Variants in CD96 observed in about 807,000 individuals in gnomAD.
CD96 encodes the protein T-cell surface protein tactile.
CD96 carries 70 observed loss-of-function variants against 71.3 expected under a neutral mutation model. The ratio of observed to expected loss-of-function variants is 0.98; its 90% CI spans 0.81 to 1.20. The LOEUF (loss-of-function observed/expected upper bound fraction) is 1.20, where lower values mean the gene tolerates loss of function less well. CD96 is among the 50% of genes most tolerant of loss of function. The probability of loss-of-function intolerance (pLI) is 0.00; values close to 1 mark genes in which losing one functional copy is unlikely to be tolerated. For missense variants in CD96, 742 were observed against 677.5 expected (o/e 1.10, Z -1.06); for synonymous variants, 248 against 233.0 (o/e 1.06, Z -0.59).
chr3:111,577,389 G>A, intron 3 of CD96: 5 of 804,308 alleles, frequency 6.2e-6, no homozygotes, highest in Non-Finnish European at 1.1e-5. Context: ...AGTGCTGAGT[G>A]ACATGCTCTC....
Position 111,649,923 on chromosome 3 carries a change from A to G in CD96, c.*117A>G. 1 of 757,894 alleles carries G rather than the reference A, an allele frequency of 1.3e-6. No homozygotes were observed. 46.9% of individuals were successfully genotyped at this position (757,894 alleles called of 1,614,324 possible). ...ATGCCTTTGCTGCAGCTGAAATGGA[A>G]GTCAGAAGTGAGTGACCTGTTTTCC... On this transcript the variant is annotated 3_prime_UTR_variant, in exon 14 of 14. Transcript: ENST00000352690.
chr3:111,647,513 A>G (rs1043954552), intron 12 of CD96, 30 bp from the exon 13 acceptor site: 3 of 1,607,700 alleles, frequency 1.9e-6, no homozygotes, highest in Admixed American at 1.7e-5. Flanking sequence ...GTTTGGGATT[A>G]AAGTTCATCT....
intron 7 of CD96, among the ~76,000 whole-genome samples, chr3:111,604,797 G>C (rs1449901725): frequency 6.6e-6 from 1 of 152,100 alleles, no homozygotes. Context: ...TATATTTTAG[G>C]CTTTGTAGAC....
intron 8 of CD96, chr3:111,607,007 A>C: frequency 1.7e-6 from 1 of 600,068 alleles, no homozygotes; most frequent in South Asian, 1.9e-5. Flanking sequence ...TAGTATGTTC[A>C]CAGACTTGTA....
In CD96 at chr3:111,572,116, G is replaced by A. The variant is rs924650149; in HGVS notation, c.543+4469G>A. Among the ~76,000 whole-genome samples the A allele has an allele frequency of 3.3e-5, 5 of 152,290 alleles. No individual in the cohort carries two copies. The South Asian group carries it at 1.0e-3, about 32-fold the overall frequency. On this transcript the variant is annotated intron_variant, in intron 3 of 13. Coordinates refer to ENST00000352690, the MANE Select transcript of CD96 (RefSeq NM_005816.5). ...GAGATTTAAGATGTTAATGAGACATGCCATGTATCTACCCGCACGTACAAC... is the reference window on the plus strand; with the variant it reads ...GAGATTTAAGATGTTAATGAGACATACCATGTATCTACCCGCACGTACAAC...
chr3:111,601,062 A>G (rs1221228454), intron 7 of CD96, 148 bp downstream of exon 7: 2 of 581,502 alleles, frequency 3.4e-6, no homozygotes, highest in Non-Finnish European at 6.1e-6. Flanking sequence ...GTTATCAAAC[A>G]TTTTTGACAA....
intron 1 of CD96, 149 bp from the exon 2 acceptor site, chr3:111,544,897 T>G: frequency 1.4e-6 from 1 of 724,626 alleles, no homozygotes; most frequent in Non-Finnish European, 2.5e-6. Flanking sequence ...TCTATCTGAG[T>G]GAGACACAAG....
Position 111,624,023 on chromosome 3 carries a change from G to A in CD96, c.1249+201G>A, listed in dbSNP as rs1481942353. On this transcript the variant is annotated intron_variant, in intron 9 of 13. Transcript: ENST00000352690. ...ATAATCTTAAAAAATAAGGGCTGGTGATTTATTATATTGTATCTTTTATTT... is the reference window on the plus strand; with the variant it reads ...ATAATCTTAAAAAATAAGGGCTGGTAATTTATTATATTGTATCTTTTATTT... Among the ~76,000 whole-genome samples the A allele has an allele frequency of 5.9e-5, 9 of 152,310 alleles. No individual in the cohort carries two copies. The East Asian group carries it at 1.3e-3, about 23-fold the overall frequency.
At chr3:111,543,689 T>C (rs974915818) in intron 1 of CD96, among the ~76,000 whole-genome samples, 2 of 152,224 alleles carry the variant, frequency 1.3e-5, no homozygotes, top group Non-Finnish European at 2.9e-5. Context: ...CCAGCATTGC[T>C]AACAAGTTGC....
intron 3 of CD96, among the ~76,000 whole-genome samples, chr3:111,576,941 G>A (rs1043276124): frequency 2.0e-5 from 3 of 152,076 alleles, no homozygotes; most frequent in African/African-American, 7.2e-5. Flanking sequence ...GAAGACTCTA[G>A]AATGTCTTAG....
intron 5 of CD96, among the ~76,000 whole-genome samples, chr3:111,590,440 T>G (rs867319177): frequency 4.6e-5 from 7 of 152,246 alleles, no homozygotes; most frequent in Non-Finnish European, 7.3e-5. Context: ...GGAAATACTC[T>G]GGGGACTTGG....
At chr3:111,544,450 G>A (rs1934277777) in intron 1 of CD96, among the ~76,000 whole-genome samples, 1 of 152,064 alleles carries the variant, frequency 6.6e-6, no homozygotes, top group Non-Finnish European at 1.5e-5. Context: ...GCCTGGAGGT[G>A]TGACTTTGAG....
chr3:111,592,914 C>G (rs1194140191), intron 5 of CD96: 1 of 152,166 alleles, frequency 6.6e-6, no homozygotes, highest in Non-Finnish European at 1.5e-5. Flanking sequence ...GATGAAACAA[C>G]TTTAATATAA....
chr3:111,548,902 A>G (rs1014224199), intron 2 of CD96, among the ~76,000 whole-genome samples: 1 of 152,172 alleles, frequency 6.6e-6, no homozygotes. Flanking sequence ...GAGTGCTTAC[A>G]GTGCTAGACA....
chr3:111,637,886 C>T (rs1939410315), intron 11 of CD96, among the ~76,000 whole-genome samples, 193 bp from the exon 12 acceptor site: 1 of 151,358 alleles, frequency 6.6e-6, no homozygotes, highest in African/African-American at 2.4e-5. Flanking sequence ...ATTCCTTTGG[C>T]AATTGTTAGA....
intron 2 of CD96, among the ~76,000 whole-genome samples, chr3:111,563,463 T>A (rs1462082417): frequency 6.6e-6 from 1 of 152,236 alleles, no homozygotes; most frequent in Admixed American, 6.5e-5. Context: ...AGGGAATGGA[T>A]GGAGCTGAGG....
chr3:111,568,290 A>G (rs1935818442), intron 3 of CD96, among the ~76,000 whole-genome samples: 1 of 152,232 alleles, frequency 6.6e-6, no homozygotes, highest in Admixed American at 6.5e-5. Flanking sequence ...TTCCAATTTT[A>G]AAAATGATGT....
intron 3 of CD96, among the ~76,000 whole-genome samples, chr3:111,572,128 C>T (rs1158705459): frequency 6.6e-6 from 1 of 152,204 alleles, no homozygotes; most frequent in Non-Finnish European, 1.5e-5. Context: ...CATGTATCTA[C>T]CCGCACGTAC....
intron 12 of CD96, among the ~76,000 whole-genome samples, chr3:111,644,159 A>G (rs950908365): frequency 6.6e-6 from 1 of 152,180 alleles, no homozygotes; most frequent in Non-Finnish European, 1.5e-5. Context: ...GGAACAGAAT[A>G]AGCCCAAATA....
Sources: gnomAD v4.1 joint callset for allele counts (sites outside exome capture counted in the v4.1 genomes callset) on GRCh38, gnomAD v4.1.1 for gene constraint, MANE v1.5 for transcripts, NCBI Gene and HGNC (gene_info 2026-07-23, HGNC 2026-07-21) for gene names.